BRWD1: variants seen among roughly 807,000 people sequenced by gnomAD.
The protein encoded by BRWD1 is bromodomain and WD repeat domain containing 1, also known as bromodomain and WD repeat-containing protein 1.
In BRWD1, 82 loss-of-function variants were observed where a neutral mutation model predicts 251.2. The ratio of observed to expected loss-of-function variants is 0.33; its 90% confidence interval spans 0.27 to 0.39. BRWD1 has a LOEUF of 0.39. Among genes scored for constraint, BRWD1 ranks in the 10% least tolerant of loss-of-function variants. The pLI, the probability that BRWD1 is intolerant of heterozygous loss-of-function variation, is 1.00. For missense variants in BRWD1, 2,233 were observed against 2,711.6 expected (o/e 0.82, Z 3.92); for synonymous variants, 918 against 902.8 (o/e 1.02, Z -0.30).
At chr21:39,303,660 T>C (rs1035982660) in intron 4 of BRWD1, among the ~76,000 whole-genome samples, 10 of 150,986 alleles carry the variant, frequency 6.6e-5, no homozygotes, top group Non-Finnish European at 1.5e-4. Context: ...CAAAACCCCA[T>C]CTCTACAAAA....
Position 39,238,466 on chromosome 21 carries a change from T to C in BRWD1, c.2576+13A>G, listed in dbSNP as rs769215520. ...TAAAATGCTTAAAAGACCACAACAA[T>C]AAAAACAGATACCTTGAACTTTCGC... On this transcript the variant is annotated intron_variant, in intron 22 of 40. Coordinates refer to ENST00000342449, the MANE Select transcript of BRWD1 (RefSeq NM_033656.4). 93 of 1,599,096 alleles carry C rather than the reference T, an allele frequency of 5.8e-5. No individual in the cohort carries two copies. The highest frequency in any genetic ancestry group is 1.3e-4 in the Admixed American group (8 of 59,888).
rs2036599428 is a variant in BRWD1 at position 39,313,594 on chromosome 21, G to C, written c.-103C>G. 3 of 777,174 alleles carry C rather than the reference G, an allele frequency of 3.9e-6. No homozygotes were observed. Among genetic ancestry groups the C allele is most frequent in the Non-Finnish European group, 5.1e-6 (3 of 587,150 alleles). The allele number at this position is 777,174 out of a possible 1,614,324, so 48.1% of individuals were successfully genotyped here. ...CGTCCCCTCTTCTCAGGCGCGCGCC[G>C]CCGCCGCCGCCGCCGCCGCCATACC... On this transcript the variant is annotated 5_prime_UTR_variant, in exon 1 of 41. Transcript: ENST00000342449.
At chr21:39,280,126 T>C (rs1472043972) in intron 9 of BRWD1, 22 bp downstream of exon 9, 2 of 1,517,606 alleles carry the variant, frequency 1.3e-6, no homozygotes, top group Middle Eastern at 1.7e-4. Context: ...ACAAAACCTG[T>C]TACATAATTA....
At chr21:39,202,856 T>C (rs1156298810) in intron 37 of BRWD1, among the ~76,000 whole-genome samples, 3 of 152,214 alleles carry the variant, frequency 2.0e-5, no homozygotes, top group Non-Finnish European at 4.4e-5. Flanking sequence ...AACATTTACG[T>C]AATATAGGTA....
At chr21:39,228,727 C>A in intron 26 of BRWD1, 145 bp from the exon 27 acceptor site, 1 of 545,918 alleles carries the variant, frequency 1.8e-6, no homozygotes, top group South Asian at 3.0e-5. Flanking sequence ...AAACAGTAAA[C>A]TTCATAGCAT....
intron 4 of BRWD1, among the ~76,000 whole-genome samples, chr21:39,300,500 T>C (rs891804928): frequency 1.3e-5 from 2 of 152,168 alleles, no homozygotes; most frequent in South Asian, 2.1e-4. Context: ...GGGAAAGTAT[T>C]GATGCCACCC....
intron 31 of BRWD1, 28 bp from the exon 32 acceptor site, chr21:39,215,390 C>A (rs1289345738): frequency 1.3e-6 from 2 of 1,589,854 alleles, no homozygotes; most frequent in South Asian, 2.3e-5. Flanking sequence ...CAATTTAGGG[C>A]TTAGAAAATG....
intron 26 of BRWD1, among the ~76,000 whole-genome samples, chr21:39,228,899 A>T (rs114210253): frequency 0.015 from 2,323 of 152,300 alleles, 57 homozygotes; most frequent in African/African-American, 0.053. Flanking sequence ...CTGCCAAGTC[A>T]CATATTAAGA....
chr21:39,231,285 A>AT lies in BRWD1; in HGVS notation c.3000+891dup. The stretch of plus-strand genomic sequence containing the variant: ...TTGATTGGCTGCAAATGTTTTCAAA[A>AT]TTTTGCTACCATAACCAGAAATACC... On this transcript the variant is annotated intron_variant, in intron 25 of 40. Transcript: ENST00000342449. 1.3e-5 allele frequency among the ~76,000 whole-genome samples: 2 copies of AT among 152,296 alleles called. 1 individual carries two copies. Among genetic ancestry groups the AT allele is most frequent in the South Asian group, 4.1e-4 (2 of 4,824 alleles).
At chr21:39,236,485 C>A in intron 23 of BRWD1, 110 bp downstream of exon 23, 1 of 1,042,498 alleles carries the variant, frequency 9.6e-7, no homozygotes, top group South Asian at 1.7e-5. Context: ...GCCCAAGACA[C>A]CCAAGGCACC....
intron 21 of BRWD1, among the ~76,000 whole-genome samples, chr21:39,246,365 T>C (rs1233623990): frequency 6.6e-6 from 1 of 152,128 alleles, no homozygotes; most frequent in Non-Finnish European, 1.5e-5. Flanking sequence ...ATAATAACAA[T>C]CATTGGTGAG....
intron 17 of BRWD1, among the ~76,000 whole-genome samples, chr21:39,262,698 A>G (rs919025681): frequency 1.3e-5 from 2 of 151,968 alleles, no homozygotes; most frequent in African/African-American, 4.8e-5. Context: ...CTGCCGACGG[A>G]GCAAGACTCC....
chr21:39,237,123 A>G (rs1454898942), intron 22 of BRWD1, among the ~76,000 whole-genome samples: 1 of 152,190 alleles, frequency 6.6e-6, no homozygotes, highest in Non-Finnish European at 1.5e-5. Flanking sequence ...ATAGAAACAT[A>G]AGAATCATAC....
chr21:39,233,008 C>T (rs1387796961), intron 23 of BRWD1, among the ~76,000 whole-genome samples: 3 of 152,086 alleles, frequency 2.0e-5, no homozygotes, highest in Non-Finnish European at 4.4e-5. Flanking sequence ...TATAATAAAG[C>T]CGATGAGACT....
intron 17 of BRWD1, among the ~76,000 whole-genome samples, chr21:39,260,668 C>T (rs2034712868): frequency 6.6e-6 from 1 of 152,166 alleles, no homozygotes; most frequent in Non-Finnish European, 1.5e-5. Flanking sequence ...CAGCACAAAA[C>T]TGTGATCCCT....
intron 4 of BRWD1, among the ~76,000 whole-genome samples, chr21:39,308,609 T>TA (rs552097862): frequency 1.3e-3 from 198 of 152,060 alleles, no homozygotes; most frequent in African/African-American, 4.6e-3. Flanking sequence ...TAGAATCATC[T>TA]AAAAAGCTTT....
chr21:39,213,351 AT>A, intron 33 of BRWD1, 129 bp downstream of exon 33: 2 of 769,304 alleles, frequency 2.6e-6, no homozygotes, highest in Non-Finnish European at 4.3e-6. Context: ...CAAAAATATA[AT>A]TTTATCAAAT....
chr21:39,247,547 A>C (rs1393878232), intron 21 of BRWD1, among the ~76,000 whole-genome samples, 154 bp downstream of exon 21: 1 of 152,268 alleles, frequency 6.6e-6, no homozygotes, highest in Non-Finnish European at 1.5e-5. Flanking sequence ...TTAGCCATTA[A>C]AAGTTTTTGT....
At position 39,206,124 on chromosome 21, in the gene BRWD1, G is replaced by A; in HGVS notation, c.4348C>T (p.Pro1450Ser). The change falls in exon 37 of 41, where the codon CCT becomes TCT. Residue 1450 changes from proline (P) to serine (S), a missense_variant. Around this residue, in one of 12 missense-constraint regions of BRWD1, gnomAD observed 928 missense variants for 970.0 expected, o/e 0.96. Coordinates refer to ENST00000342449, the MANE Select transcript of BRWD1 (RefSeq NM_033656.4). ...QRQNCKGDSQ[P>S]NKSIRNLKPK... Reference sequence around the variant, plus strand: ...CCAGTTTACCTGATACTTTTGTTAGGCTGACTGTCACCTTTACAATTTTGC... The same window carrying A: ...CCAGTTTACCTGATACTTTTGTTAGACTGACTGTCACCTTTACAATTTTGC... The A allele has an allele frequency of 6.2e-7, 1 of 1,609,122 alleles. No homozygotes were observed. Among genetic ancestry groups the A allele is most frequent in the East Asian group, 2.2e-5 (1 of 44,802 alleles).
Sources: allele counts gnomAD v4.1 joint callset (sites outside exome capture counted in the v4.1 genomes callset), GRCh38; gene constraint gnomAD v4.1.1; regional missense constraint gnomAD v4.1.1; transcripts MANE v1.5; gene names NCBI Gene and HGNC (gene_info 2026-07-23, HGNC 2026-07-21).